GRM1: variants seen among roughly 807,000 people sequenced by gnomAD.
GRM1 encodes glutamate metabotropic receptor 1.
GRM1 carries 33 observed loss-of-function variants against 90.9 expected under a neutral mutation model. The observed-to-expected ratio is 0.36, with a 90% CI of 0.28 to 0.49. GRM1 has a LOEUF of 0.49. Ranked by LOEUF, GRM1 falls within the 20% of genes least tolerant of loss-of-function variation. The pLI is 0.99. For missense variants in GRM1, 1,190 were observed against 1,534.3 expected (o/e 0.78, Z 3.75); for synonymous variants, 700 against 613.2 (o/e 1.14, Z -2.09).
intron 7 of GRM1, among the ~76,000 whole-genome samples, chr6:146,417,698 G>A (rs768836787): frequency 1.4e-4 from 22 of 152,030 alleles, no homozygotes; most frequent in Non-Finnish European, 2.8e-4. Context: ...ACAAAATTTA[G>A]GTTTTTGTGT....
intron 2 of GRM1, among the ~76,000 whole-genome samples, chr6:146,283,054 A>G (rs1330354185): frequency 2.0e-5 from 3 of 152,158 alleles, no homozygotes; most frequent in Admixed American, 6.5e-5. Context: ...ATCACCACAA[A>G]TAGAGCTTCC....
intron 2 of GRM1, among the ~76,000 whole-genome samples, chr6:146,270,897 CTTTCTTTCTTT>C (rs1562571190): frequency 9.5e-4 from 108 of 113,886 alleles, no homozygotes; most frequent in African/African-American, 4.4e-3. Flanking sequence ...TTCTTTCTTT[CTTTCTTTCTTT>C]CTTTCTTCCT....
chr6:146,363,045 C>T (rs1331570932), intron 5 of GRM1, among the ~76,000 whole-genome samples: 2 of 152,168 alleles, frequency 1.3e-5, no homozygotes, highest in Non-Finnish European at 2.9e-5. Context: ...AATGCTGCTA[C>T]AGGAGTTCGT....
At chr6:146,386,169 G>A (rs1246998257) in intron 5 of GRM1, among the ~76,000 whole-genome samples, 2 of 152,022 alleles carry the variant, frequency 1.3e-5, no homozygotes, top group Non-Finnish European at 2.9e-5. Context: ...ACTTCAAATG[G>A]AATGTGTTTT....
intron 1 of GRM1, among the ~76,000 whole-genome samples, chr6:146,084,978 A>G (rs1776491558): frequency 6.6e-6 from 1 of 152,190 alleles, no homozygotes; most frequent in African/African-American, 2.4e-5. Context: ...TTGAAGAGAA[A>G]TGACAAATAC....
At chr6:146,132,072 TCA>T (rs1776419521) in intron 1 of GRM1, among the ~76,000 whole-genome samples, 1 of 152,132 alleles carries the variant, frequency 6.6e-6, no homozygotes, top group Admixed American at 6.5e-5. Flanking sequence ...AAAAGTGAAC[TCA>T]CAGAGCGGAA....
chr6:146,153,727 C>G (rs542283930), intron 1 of GRM1, among the ~76,000 whole-genome samples: 11 of 152,140 alleles, frequency 7.2e-5, no homozygotes, highest in African/African-American at 2.7e-4. Flanking sequence ...AGCAAACCAC[C>G]AAGGAAGGTG....
chr6:146,077,848 T>C (rs1349619292), intron 1 of GRM1, among the ~76,000 whole-genome samples: 1 of 152,158 alleles, frequency 6.6e-6, no homozygotes, highest in Non-Finnish European at 1.5e-5. Flanking sequence ...GGACTTGGTC[T>C]AAGAGGTCAA....
At chr6:146,427,902 T>C (rs1562694198) in intron 7 of GRM1, among the ~76,000 whole-genome samples, 1 of 152,020 alleles carries the variant, frequency 6.6e-6, no homozygotes, top group Admixed American at 6.5e-5. Context: ...TCAAAAAGGA[T>C]TGATGGGAAT....
chr6:146,254,235 C>G (rs1055664476), intron 2 of GRM1, among the ~76,000 whole-genome samples: 5 of 151,906 alleles, frequency 3.3e-5, no homozygotes, highest in Admixed American at 2.0e-4. Flanking sequence ...AGAGTGTGTG[C>G]TAGCTGTTCC....
intron 1 of GRM1, among the ~76,000 whole-genome samples, chr6:146,087,826 T>A (rs1402404760): frequency 3.3e-5 from 5 of 152,204 alleles, no homozygotes; most frequent in African/African-American, 1.2e-4. Context: ...TTACAGTTTG[T>A]CTTAACCATT....
At chr6:146,273,362 G>GA (rs1199919525) in intron 2 of GRM1, among the ~76,000 whole-genome samples, 1 of 152,094 alleles carries the variant, frequency 6.6e-6, no homozygotes, top group Non-Finnish European at 1.5e-5. Flanking sequence ...CGGAGAAGGA[G>GA]AAAAAACCCA....
chr6:146,227,660 A>T (rs901035843), intron 2 of GRM1, among the ~76,000 whole-genome samples: 1 of 152,176 alleles, frequency 6.6e-6, no homozygotes, highest in Non-Finnish European at 1.5e-5. Context: ...CAATCTCAGT[A>T]ATAACAGAGA....
At chr6:146,130,251 C>T (rs147337251) in intron 1 of GRM1, among the ~76,000 whole-genome samples, 3 of 144,690 alleles carry the variant, frequency 2.1e-5, no homozygotes, top group South Asian at 2.3e-4. Context: ...CTCCCTCCCT[C>T]CCTTCCTTCC....
chr6:146,041,531 C>G (rs911312309), intron 1 of GRM1, among the ~76,000 whole-genome samples: 1 of 151,966 alleles, frequency 6.6e-6, no homozygotes, highest in African/African-American at 2.4e-5. Flanking sequence ...ACTGCCCATT[C>G]TGGATTGGGG....
intron 1 of GRM1, among the ~76,000 whole-genome samples, chr6:146,098,386 C>T (rs1776940905): frequency 1.3e-5 from 2 of 152,022 alleles, no homozygotes; most frequent in African/African-American, 4.8e-5. Flanking sequence ...ACAAATAGTC[C>T]TAAGTAGTAA....
chr6:146,051,496 C>G (rs1421464322), intron 1 of GRM1, among the ~76,000 whole-genome samples: 2 of 152,110 alleles, frequency 1.3e-5, no homozygotes, highest in African/African-American at 4.8e-5. Flanking sequence ...GCCTCTTAGG[C>G]ATCTAACTGC....
chr6:146,045,990 A>T (rs1027817708), intron 1 of GRM1, among the ~76,000 whole-genome samples: 5 of 151,910 alleles, frequency 3.3e-5, no homozygotes, highest in African/African-American at 1.2e-4. Flanking sequence ...CAAGAGGTGT[A>T]CTGAGTAGGA....
In GRM1 at chr6:146,157,340, A is replaced by G. The variant is rs565016692; in HGVS notation, c.701-2008A>G. 3.9e-5 allele frequency among the ~76,000 whole-genome samples: 6 copies of G among 152,344 alleles called. No homozygotes were observed. The South Asian group carries it at 1.2e-3, about 32-fold the overall frequency. Reference sequence around the variant, plus strand: ...GAAGACAACAGATCACAAGATATGGAAACAGGGAGATTATTGCTGATCTTG... The same window carrying G: ...GAAGACAACAGATCACAAGATATGGGAACAGGGAGATTATTGCTGATCTTG... On this transcript the variant is annotated intron_variant, in intron 1 of 7. Coordinates refer to ENST00000282753, the MANE Select transcript of GRM1 (RefSeq NM_001278064.2).
Sources: allele counts gnomAD v4.1 joint callset (sites outside exome capture counted in the v4.1 genomes callset), GRCh38; gene constraint gnomAD v4.1.1; transcripts MANE v1.5; gene names NCBI Gene and HGNC (gene_info 2026-07-23, HGNC 2026-07-21).